The following SYNE2 variants were observed in gnomAD, a reference collection of about 807,000 sequenced individuals.
SYNE2 encodes the protein spectrin repeat containing nuclear envelope protein 2.
In SYNE2, 431 loss-of-function variants were observed where a neutral mutation model predicts 856.3. That is an observed-to-expected ratio of 0.50 (90% confidence interval 0.47 to 0.55). SYNE2 has a LOEUF of 0.55. Ranked by LOEUF, SYNE2 falls within the 20% of genes least tolerant of loss-of-function variation. SYNE2 has a pLI of 0.00. For synonymous variants in SYNE2, 2,923 were observed against 2,872.3 expected (o/e 1.02, Z -0.56); for missense variants, 8,129 against 8,023.2 (o/e 1.01, Z -0.50).
chr14:63,868,803 A>G (rs1235078954), intron 1 of SYNE2, among the ~76,000 whole-genome samples: 8 of 152,182 alleles, frequency 5.3e-5, no homozygotes, highest in Admixed American at 3.9e-4. Context: ...AAGTCTGATC[A>G]GACTTAATTT....
chr14:64,223,233 G>A lies in SYNE2; in HGVS notation c.20235G>A (p.Met6745Ile). 1.9e-6 allele frequency: 3 copies of A among 1,614,134 alleles called. No individual in the cohort carries two copies. The highest frequency in any genetic ancestry group is 2.5e-6 in the Non-Finnish European group (3 of 1,180,000). Residue 6745 changes from methionine (M) to isoleucine (I), a missense_variant, in exon 113 of 116, where the codon ATG becomes ATA. This residue lies in a region of SYNE2 where 5,410 missense variants were observed against 5,284.8 expected (regional missense o/e 1.02). Transcript: ENST00000555002. ...ELVERQPQVD[M>I]LQEISNSLLI... Reference sequence around the variant, plus strand: ...TAGAACGTCAACCTCAAGTGGACATGTTACAGGAGATTTCAAACAGCCTTC... The same window carrying A: ...TAGAACGTCAACCTCAAGTGGACATATTACAGGAGATTTCAAACAGCCTTC...
intron 48 of SYNE2, among the ~76,000 whole-genome samples, chr14:64,054,598 C>G (rs1195222130): frequency 6.6e-6 from 1 of 152,140 alleles, no homozygotes. Flanking sequence ...TGGAATATAG[C>G]CATACCCATT....
intron 32 of SYNE2, among the ~76,000 whole-genome samples, chr14:64,013,661 C>T (rs545188985): frequency 6.6e-6 from 1 of 152,282 alleles, no homozygotes; most frequent in Non-Finnish European, 1.5e-5. Flanking sequence ...TGTTCCAGTG[C>T]AGAGTTCTGA....
At chr14:63,904,369 C>G (rs915160067) in intron 1 of SYNE2, among the ~76,000 whole-genome samples, 1 of 152,128 alleles carries the variant, frequency 6.6e-6, no homozygotes, top group Non-Finnish European at 1.5e-5. Context: ...AATGTTAACT[C>G]TGTTTTAAGT....
intron 7 of SYNE2, among the ~76,000 whole-genome samples, chr14:63,953,512 T>A (rs531084179): frequency 7.1e-6 from 1 of 140,758 alleles, no homozygotes; most frequent in Non-Finnish European, 1.5e-5. Context: ...CTAATGATGT[T>A]GATTGATAAA....
Position 64,186,494 on chromosome 14 carries a change from C to G in SYNE2, c.17627C>G (p.Thr5876Ser), listed in dbSNP as rs1250539164. The change falls in exon 97 of 116, where the codon ACC becomes AGC. Residue 5876 changes from threonine (T) to serine (S), a missense_variant. This residue lies in a region of SYNE2 where 5,410 missense variants were observed against 5,284.8 expected (regional missense o/e 1.02). Transcript: ENST00000555002. The part of the protein sequence containing the change: ...KELQTMKADL[T>S]RHVLVEDVMV... ...CTTCAAACTATGAAGGCGGACTTAA[C>G]CCGGCACGTTCTCGTGGAAGATGTG... is the stretch of plus-strand genomic sequence containing the variant. 2 of 1,614,210 alleles carry G rather than the reference C, an allele frequency of 1.2e-6. No homozygotes were observed. Among genetic ancestry groups the G allele is most frequent in the South Asian group, 1.1e-5 (1 of 91,088 alleles).
intron 94 of SYNE2, among the ~76,000 whole-genome samples, chr14:64,171,451 G>T (rs967112538): frequency 2.0e-5 from 3 of 152,152 alleles, no homozygotes; most frequent in African/African-American, 7.2e-5. Context: ...ATATCAGATT[G>T]TAATAAGACT....
intron 6 of SYNE2, among the ~76,000 whole-genome samples, chr14:63,944,203 A>G (rs1246987081): frequency 6.6e-6 from 1 of 150,526 alleles, no homozygotes; most frequent in Non-Finnish European, 1.5e-5. Context: ...GTTCATATGT[A>G]TATATTTTAA....
chr14:63,875,375 G>T (rs2094691275), intron 1 of SYNE2, among the ~76,000 whole-genome samples: 1 of 152,146 alleles, frequency 6.6e-6, no homozygotes, highest in South Asian at 2.1e-4. Context: ...TTTATGAACA[G>T]TTGTGAGTAA....
chr14:64,042,204 T>G (rs2097154163), intron 45 of SYNE2, among the ~76,000 whole-genome samples: 2 of 152,010 alleles, frequency 1.3e-5, no homozygotes, highest in African/African-American at 4.8e-5. Context: ...TACTGCTGAG[T>G]GGAAAAAAAC....
At chr14:63,885,460 G>A (rs1019990170) in intron 1 of SYNE2, among the ~76,000 whole-genome samples, 1 of 152,154 alleles carries the variant, frequency 6.6e-6, no homozygotes, top group Non-Finnish European at 1.5e-5. Flanking sequence ...CTGAAGGATG[G>A]CACTCTTGCA....
At position 64,003,340 on chromosome 14, in the gene SYNE2, G is replaced by A; in HGVS notation, c.4397+10G>A. 6.2e-7 allele frequency: 1 copy of A among 1,613,946 alleles called. No homozygotes were observed. Among genetic ancestry groups the A allele is most frequent in the Non-Finnish European group, 8.5e-7 (1 of 1,180,000 alleles). On this transcript the variant is annotated intron_variant, in intron 30 of 115. Coordinates refer to ENST00000555002, the MANE Select transcript of SYNE2 (RefSeq NM_182914.3). ...CAGCTGTGAAACATCGGTAAGTATT[G>A]TCCATCCATTTCCATCCAAGGTGAC...
intron 1 of SYNE2, among the ~76,000 whole-genome samples, chr14:63,869,703 T>C (rs373699290): frequency 6.7e-6 from 1 of 148,840 alleles, no homozygotes; most frequent in East Asian, 2.0e-4. Flanking sequence ...GCATAAAACC[T>C]GAGACACAGT....
chr14:63,903,701 A>G (rs1408807162), intron 1 of SYNE2, among the ~76,000 whole-genome samples: 2 of 152,192 alleles, frequency 1.3e-5, no homozygotes, highest in Non-Finnish European at 2.9e-5. Context: ...TCTCCAGTTA[A>G]CAACTTGTCT....
intron 30 of SYNE2, among the ~76,000 whole-genome samples, chr14:64,005,241 C>G (rs1231967081): frequency 6.6e-6 from 1 of 152,168 alleles, no homozygotes; most frequent in African/African-American, 2.4e-5. Flanking sequence ...AACCTTTTGT[C>G]TCTGACTAAT....
chr14:63,986,259 C>A (rs1312961420), intron 18 of SYNE2, among the ~76,000 whole-genome samples, 197 bp from the exon 19 acceptor site: 1 of 152,016 alleles, frequency 6.6e-6, no homozygotes, highest in Non-Finnish European at 1.5e-5. Context: ...ACCATTATGC[C>A]CAGCTAACTT....
rs371529908 is a variant in SYNE2 at position 64,076,013 on chromosome 14, G to C, written c.10935G>C (p.Lys3645Asn). Reference sequence around the variant, plus strand: ...ATATTATGGAAAAACTGCGAATCAAGTATTCCGAAATGTACACCATAGTCC... The same window carrying C: ...ATATTATGGAAAAACTGCGAATCAACTATTCCGAAATGTACACCATAGTCC... ...FENIMEKLRI[K>N]YSEMYTIVPA... Residue 3645 changes from lysine (K) to asparagine (N), a missense_variant, in exon 54 of 116, where the codon AAG (lysine) becomes AAC (asparagine). By Grantham distance (94) the Lys-to-Asn change is moderately conservative. Around this residue, in one of 3 missense-constraint regions of SYNE2, gnomAD observed 5,410 missense variants for 5,284.8 expected, o/e 1.02. Coordinates refer to ENST00000555002, the MANE Select transcript of SYNE2 (RefSeq NM_182914.3). The C allele has an allele frequency of 6.2e-7, 1 of 1,613,818 alleles. No individual in the cohort carries two copies. Among genetic ancestry groups the C allele is most frequent in the African/African-American group, 1.3e-5 (1 of 74,928 alleles).
In SYNE2 at chr14:63,967,721, T is replaced by C. The variant is rs761329040; in HGVS notation, c.1003T>C (p.Phe335Leu). ...YFKKYNSLLS[F>L]MESFNEEKKS... ...CTTCTAATTGCAGAGCCTGCTGTCC[T>C]TTATGGAGTCATTCAATGAAGAAAA... The change falls in exon 11 of 116, where the codon TTT becomes CTT. Residue 335 changes from phenylalanine to leucine, a missense_variant. By Grantham distance (22) the Phe-to-Leu change is conservative. Coordinates refer to ENST00000555002, the MANE Select transcript of SYNE2 (RefSeq NM_182914.3). The C allele has an allele frequency of 6.2e-7, 1 of 1,614,054 alleles. No homozygotes were observed. Among genetic ancestry groups the C allele is most frequent in the African/African-American group, 1.3e-5 (1 of 75,058 alleles).
chr14:64,102,244 G>T (rs910739741), intron 64 of SYNE2, among the ~76,000 whole-genome samples: 6 of 152,140 alleles, frequency 3.9e-5, no homozygotes, highest in African/African-American at 1.2e-4. Context: ...AGCCTCCCAA[G>T]TAGCTGGGAT....
Sources: gnomAD v4.1 joint callset for allele counts (sites outside exome capture counted in the v4.1 genomes callset) on GRCh38, gnomAD v4.1.1 for gene constraint, gnomAD v4.1.1 regional missense constraint, MANE v1.5 for transcripts, NCBI Gene and HGNC (gene_info 2026-07-23, HGNC 2026-07-21) for gene names.